The following KCNB2 variants were observed in gnomAD, a reference collection of about 807,000 sequenced individuals.
The protein encoded by KCNB2 is delayed rectifier potassium channel protein.
In KCNB2, 15 loss-of-function variants were observed where a neutral mutation model predicts 61.5. That is an observed-to-expected ratio of 0.24 (90% CI 0.16 to 0.38). The LOEUF (loss-of-function observed/expected upper bound fraction) is 0.38. KCNB2 is among the 10% of genes least tolerant of loss of function. The pLI is 1.00. For synonymous variants in KCNB2, 457 were observed against 446.0 expected, an observed-to-expected ratio of 1.02 and a Z score of -0.31; for missense variants, 828 against 1,125.2, an observed-to-expected ratio of 0.74 and a Z score of 3.78.
At chr8:72,933,000 G>C (rs948258575) in intron 2 of KCNB2, among the ~76,000 whole-genome samples, 1 of 152,118 alleles carries the variant, frequency 6.6e-6, no homozygotes, top group African/African-American at 2.4e-5. Flanking sequence ...TCTAAATTGA[G>C]AGCAAATGGG....
chr8:72,590,316 G>T (rs764755371), intron 2 of KCNB2, among the ~76,000 whole-genome samples: 17 of 152,064 alleles, frequency 1.1e-4, no homozygotes, highest in Non-Finnish European at 2.2e-4. Flanking sequence ...AAGAATGGAG[G>T]TGTCTTCCTG....
At chr8:72,799,824 C>T (rs957458321) in intron 2 of KCNB2, among the ~76,000 whole-genome samples, 3 of 152,096 alleles carry the variant, frequency 2.0e-5, no homozygotes. Flanking sequence ...TAATTTTAGT[C>T]AGAAAGGCTT....
chr8:72,616,350 AAC>A (rs1805619132), intron 2 of KCNB2, among the ~76,000 whole-genome samples: 1 of 152,220 alleles, frequency 6.6e-6, no homozygotes, highest in Admixed American at 6.5e-5. Flanking sequence ...CTAACAACAA[AAC>A]AGTGTCACAT....
chr8:72,558,416 C>T (rs1259339981), intron 1 of KCNB2, among the ~76,000 whole-genome samples: 1 of 152,164 alleles, frequency 6.6e-6, no homozygotes, highest in East Asian at 1.9e-4. Flanking sequence ...AAACTTCTAA[C>T]CCACTGAAGC....
chr8:72,646,220 C>A (rs1485790908), intron 2 of KCNB2, among the ~76,000 whole-genome samples: 1 of 151,598 alleles, frequency 6.6e-6, no homozygotes, highest in Non-Finnish European at 1.5e-5. Context: ...CAAATATATA[C>A]ATTTTATTTA....
chr8:72,927,204 C>G (rs755997655), intron 2 of KCNB2, among the ~76,000 whole-genome samples: 2 of 152,048 alleles, frequency 1.3e-5, no homozygotes, highest in African/African-American at 4.8e-5. Context: ...ATCACTACAC[C>G]GAGTACCCTT....
At chr8:72,903,264 T>C (rs1405931817) in intron 2 of KCNB2, among the ~76,000 whole-genome samples, 1 of 152,058 alleles carries the variant, frequency 6.6e-6, no homozygotes, top group African/African-American at 2.4e-5. Context: ...AAGAGCCTGA[T>C]ACTGGGTGTG....
At chr8:72,675,081 T>G in intron 2 of KCNB2, among the ~76,000 whole-genome samples, 3 of 152,238 alleles carry the variant, frequency 2.0e-5, no homozygotes, top group Admixed American at 2.0e-4. Flanking sequence ...AATGTAGAAA[T>G]GACTAATGGG....
intron 2 of KCNB2, among the ~76,000 whole-genome samples, chr8:72,685,188 A>G (rs1288034674): frequency 6.6e-6 from 1 of 152,174 alleles, no homozygotes; most frequent in Non-Finnish European, 1.5e-5. Context: ...ATGAATTTGT[A>G]TTCATATAGA....
chr8:72,860,531 C>T (rs1252064613), intron 2 of KCNB2, among the ~76,000 whole-genome samples: 1 of 152,184 alleles, frequency 6.6e-6, no homozygotes, highest in African/African-American at 2.4e-5. Context: ...CAGTTGAATA[C>T]CAGGTAATGG....
At chr8:72,595,320 TTTTC>T (rs2128981833) in intron 2 of KCNB2, among the ~76,000 whole-genome samples, 1 of 151,394 alleles carries the variant, frequency 6.6e-6, no homozygotes, top group South Asian at 2.1e-4. Context: ...TTTTTTTCTT[TTTTC>T]TTTCTTTTTT....
At chr8:72,833,266 G>A (rs1485155611) in intron 2 of KCNB2, among the ~76,000 whole-genome samples, 1 of 152,156 alleles carries the variant, frequency 6.6e-6, no homozygotes, top group Non-Finnish European at 1.5e-5. Flanking sequence ...TGATCAGCAT[G>A]AAGAGATGAG....
intron 2 of KCNB2, among the ~76,000 whole-genome samples, chr8:72,710,930 A>G (rs1216872867): frequency 6.6e-6 from 1 of 152,246 alleles, no homozygotes; most frequent in African/African-American, 2.4e-5. Context: ...TCGTTCATCA[A>G]TATTATGAAC....
chr8:72,741,381 A>G (rs1331543436), intron 2 of KCNB2, among the ~76,000 whole-genome samples: 1 of 152,136 alleles, frequency 6.6e-6, no homozygotes, highest in African/African-American at 2.4e-5. Flanking sequence ...GCCCAGGTAG[A>G]ATTAGTGACT....
rs568141236 is a variant in KCNB2 at position 72,717,890 on chromosome 8, G to C, written c.579+149577G>C. 2.0e-5 allele frequency among the ~76,000 whole-genome samples: 3 copies of C among 152,192 alleles called. No homozygotes were observed. In the South Asian group the frequency reaches 6.2e-4, roughly 32 times the overall value. On this transcript the variant is annotated intron_variant, in intron 2 of 2. Transcript: ENST00000523207. ...AGTGAACAGGCAACCTACAGAATGG[G>C]AGAAAATTTTTGCAACCTCCTCATC...
intron 2 of KCNB2, among the ~76,000 whole-genome samples, chr8:72,725,126 A>G (rs73309895): frequency 0.038 from 5,771 of 152,252 alleles, 145 homozygotes; most frequent in South Asian, 0.09. Context: ...CAGCAAAAGA[A>G]TAATTTTTCT....
chr8:72,744,102 C>T (rs367670937), intron 2 of KCNB2, among the ~76,000 whole-genome samples: 29 of 151,948 alleles, frequency 1.9e-4, no homozygotes, highest in Middle Eastern at 6.8e-3. Context: ...TTTGTTGAGA[C>T]GGTTGAAAGT....
Position 72,909,864 on chromosome 8 carries a change from G to T in KCNB2, c.580-26071G>T, listed in dbSNP as rs987546079. ...AGCTGTGACACATGGAGGAGGAATA[G>T]ATTTAGTGCCAGAGGAAAGATGGTG... On this transcript the variant is annotated intron_variant, in intron 2 of 2. Transcript: ENST00000523207. 5.3e-5 allele frequency among the ~76,000 whole-genome samples: 8 copies of T among 152,152 alleles called. No homozygotes were observed. In the South Asian group the frequency reaches 1.7e-3, roughly 31 times the overall value.
intron 2 of KCNB2, among the ~76,000 whole-genome samples, chr8:72,582,390 G>A (rs1219835777): frequency 6.6e-6 from 1 of 152,162 alleles, no homozygotes; most frequent in Non-Finnish European, 1.5e-5. Context: ...CTCAGATGTT[G>A]CACTTCCAGC....
Sources: allele counts gnomAD v4.1 joint callset (sites outside exome capture counted in the v4.1 genomes callset), GRCh38; gene constraint gnomAD v4.1.1; transcripts MANE v1.5; gene names NCBI Gene and HGNC (gene_info 2026-07-23, HGNC 2026-07-21).